The following SLFN14 variants were observed in gnomAD, a reference collection of about 807,000 sequenced individuals.
The protein encoded by SLFN14 is protein SLFN14.
Under a neutral mutation model 58.6 loss-of-function variants are expected in SLFN14, and 47 were observed. The ratio of observed to expected loss-of-function variants is 0.80; its 90% CI spans 0.64 to 1.02. The LOEUF (loss-of-function observed/expected upper bound fraction) is 1.02, where lower values mean the gene tolerates loss of function less well. Among genes scored for constraint, SLFN14 ranks in the 50% least tolerant of loss-of-function variants. The pLI is 0.00. For missense variants in SLFN14, 967 were observed against 1,078.4 expected (o/e 0.90, Z 1.45); for synonymous variants, 390 against 387.3 (o/e 1.01, Z -0.08).
chr17:35,554,551 C>T, intron 4 of SLFN14, 25 bp downstream of exon 4: 5 of 1,515,568 alleles, frequency 3.3e-6, no homozygotes, highest in Non-Finnish European at 4.4e-6. Flanking sequence ...AAATAGTCCC[C>T]TAAGTTGAAA....
chr17:35,546,598 A>G lies in SLFN14; in HGVS notation c.*1641T>C, dbSNP rs545389466. The stretch of plus-strand genomic sequence containing the variant: ...TTAAAAACAGTTTGGAAATATGAAT[A>G]CTTCCAAAGCAATTTAAAAATCCTT... On this transcript the variant is annotated 3_prime_UTR_variant, in exon 6 of 6. Coordinates refer to ENST00000674182, the MANE Select transcript of SLFN14 (RefSeq NM_001129820.2). 3.3e-5 allele frequency among the ~76,000 whole-genome samples: 5 copies of G among 152,370 alleles called. No homozygotes were observed. Among genetic ancestry groups the G allele is most frequent in the African/African-American group, 1.2e-4 (5 of 41,592 alleles).
chr17:35,556,492 G>T (rs1203250010), intron 3 of SLFN14, among the ~76,000 whole-genome samples: 1 of 152,144 alleles, frequency 6.6e-6, no homozygotes, highest in Non-Finnish European at 1.5e-5. Flanking sequence ...TCCTTTAAAA[G>T]TTGCTTAGGC....
chr17:35,558,125 T>A lies in SLFN14; in HGVS notation c.-44-19A>T. ...GGAGTTCCTATAATCAGGACAGAAA[T>A]ATTGTTTCTATATTAATAAGAATTC... On this transcript the variant is annotated intron_variant, in intron 2 of 5. Transcript: ENST00000674182. 1 of 1,318,162 alleles carries A rather than the reference T, an allele frequency of 7.6e-7. No homozygotes were observed. The allele number at this position is 1,318,162 out of a possible 1,614,324, so 81.7% of individuals were successfully genotyped here.
Position 35,553,177 on chromosome 17 carries a change from C to T in SLFN14, c.1457G>A (p.Arg486Gln), listed in dbSNP as rs535173406. Residue 486 changes from arginine to glutamine, a missense_variant, in exon 5 of 6, where the codon CGA becomes CAA. By Grantham distance (43) the Arg-to-Gln change is conservative (BLOSUM62 1). Transcript: ENST00000674182. ...PNWPGGLEYARNTAHQLKQKL... is the reference protein window; with the variant it reads ...PNWPGGLEYAQNTAHQLKQKL... ...CTGCTTTAACTGATGAGCTGTGTTT[C>T]GGGCATATTCAAGTCCTCCAGGCCA... 33 of 1,551,614 alleles carry T rather than the reference C, an allele frequency of 2.1e-5. No individual in the cohort carries two copies. Among genetic ancestry groups the T allele is most frequent in the Admixed American group, 3.9e-5 (2 of 50,996 alleles).
At chr17:35,558,724 G>A (rs891686722) in intron 2 of SLFN14, among the ~76,000 whole-genome samples, 4 of 152,076 alleles carry the variant, frequency 2.6e-5, no homozygotes, top group Non-Finnish European at 4.4e-5. Context: ...ATCAGGAAAC[G>A]CCAACACTGA....
Position 35,554,671 on chromosome 17 carries a change from C to CAAG in SLFN14, c.1091_1093dup (p.Ser364dup). 6.8e-7 allele frequency: 1 copy of CAAG among 1,475,562 alleles called. No homozygotes were observed. Among genetic ancestry groups the CAAG allele is most frequent in the Non-Finnish European group, 9.0e-7 (1 of 1,106,390 alleles). The allele number at this position is 1,475,562 out of a possible 1,614,324, so 91.4% of individuals were successfully genotyped here. ...TGCAGATGAAGCTGATGAAATCAGG[C>CAAG]AAGAGTTGTAGTCTGTGACCAAACT... On this transcript the variant is annotated inframe_insertion, in exon 4 of 6. Coordinates refer to ENST00000674182, the MANE Select transcript of SLFN14 (RefSeq NM_001129820.2).
chr17:35,548,599 T>C lies in SLFN14; in HGVS notation c.2379A>G (p.Gln793=), dbSNP rs758294889. 1.3e-6 allele frequency: 2 copies of C among 1,551,644 alleles called. No individual in the cohort carries two copies. The highest frequency in any genetic ancestry group is 1.7e-6 in the Non-Finnish European group (2 of 1,147,016). ...CETKTNLTTE[Q]IANYVARKCH... is the part of the protein sequence containing the mutation. ...ATTTTCTTGCCACATAGTTAGCTAT[T>C]TGTTCTGTTGTCAGATTAGTCTTTG... Residue 793 remains glutamine (Q), a synonymous_variant, in exon 6 of 6, where the codon CAA becomes CAG. Transcript: ENST00000674182.
In SLFN14 at chr17:35,554,592, T is replaced by C. The variant is rs2072631142; in HGVS notation, c.1173A>G (p.Gln391=). The part of the protein sequence containing the change: ...IKVHKFKEAL[Q]RHLFPVTQEE... ...AGGGAATACCTGGAAACAAATGTCG[T>C]TGCAGAGCCTCCTTAAATTTGTGGA... Residue 391 remains glutamine, a synonymous_variant, in exon 4 of 6, where the codon CAA becomes CAG. Coordinates refer to ENST00000674182, the MANE Select transcript of SLFN14 (RefSeq NM_001129820.2). The C allele has an allele frequency of 1.3e-6, 2 of 1,532,090 alleles. No homozygotes were observed. Among genetic ancestry groups the C allele is most frequent in the South Asian group, 1.2e-5 (1 of 80,532 alleles). 94.9% of individuals were successfully genotyped at this position (1,532,090 alleles called of 1,614,324 possible). A position where few individuals can be genotyped will look rare whatever the true frequency, so the allele number is the denominator to read the frequency against.
Position 35,547,423 on chromosome 17 carries a change from C to G in SLFN14, c.*816G>C, listed in dbSNP as rs2072542658. 6.6e-6 allele frequency among the ~76,000 whole-genome samples: 1 copy of G among 152,102 alleles called. No homozygotes were observed. Among genetic ancestry groups the G allele is most frequent in the Non-Finnish European group, 1.5e-5 (1 of 68,016 alleles). On this transcript the variant is annotated 3_prime_UTR_variant, in exon 6 of 6. Transcript: ENST00000674182. Reference sequence around the variant, plus strand: ...ATCTGAAGATTTTTAAGATTTGAATCAAATTACCAGCTTCCCTTACTGTAA... The same window carrying G: ...ATCTGAAGATTTTTAAGATTTGAATGAAATTACCAGCTTCCCTTACTGTAA...
Position 35,547,722 on chromosome 17 carries a change from GCAGT to G in SLFN14, c.*513_*516del, listed in dbSNP as rs1248489321. On this transcript the variant is annotated 3_prime_UTR_variant, in exon 6 of 6. Transcript: ENST00000674182. ...TCAATTGGCTACTTTTGAGACCTAT[GCAGT>G]CAAAGTAACCAGCCTGGAGGGCACC... is the stretch of plus-strand genomic sequence containing the variant. Among the ~76,000 whole-genome samples, 1 of 152,152 alleles carries G rather than the reference GCAGT, an allele frequency of 6.6e-6. No individual in the cohort carries two copies. The highest frequency in any genetic ancestry group is 2.4e-5 in the African/African-American group (1 of 41,436).
At position 35,557,108 on chromosome 17, in the gene SLFN14, A is replaced by C. The variant is rs1322039001; in HGVS notation, c.955T>G (p.Cys319Gly). The C allele has an allele frequency of 4.5e-6, 7 of 1,551,556 alleles. No homozygotes were observed. Among genetic ancestry groups the C allele is most frequent in the Non-Finnish European group, 6.1e-6 (7 of 1,146,994 alleles). The change falls in exon 3 of 6, where the codon TGC (cysteine) becomes GGC (glycine). Residue 319 changes from cysteine (C) to glycine (G), a missense_variant. Physicochemically the swap from Cys to Gly is radical, Grantham distance 159 (BLOSUM62 -3). Transcript: ENST00000674182. ...VCVIQVEPFC[C>G]VVFAEAPDSW... is the part of the protein sequence containing the mutation. ...TCTGGGGCCTCTGCAAACACCACGCAACAGAAGGGCTCCACTTGAATCACA... is the reference window on the plus strand; with the variant it reads ...TCTGGGGCCTCTGCAAACACCACGCCACAGAAGGGCTCCACTTGAATCACA...
Position 35,554,549 on chromosome 17 carries a change from CCCTAAGTTGAA to C in SLFN14, c.1189+16_1189+26del. On this transcript the variant is annotated intron_variant, in intron 4 of 5. Coordinates refer to ENST00000674182, the MANE Select transcript of SLFN14 (RefSeq NM_001129820.2). ...ACTCAATTTTAGAAAACAAATAGTC[CCCTAAGTTGAA>C]ATCAAGAGGGAATACCTGGAAACAA... 2 of 1,509,646 alleles carry C rather than the reference CCCTAAGTTGAA, an allele frequency of 1.3e-6. No individual in the cohort carries two copies. Among genetic ancestry groups the C allele is most frequent in the Non-Finnish European group, 1.8e-6 (2 of 1,128,544 alleles). 93.5% of individuals were successfully genotyped at this position (1,509,646 alleles called of 1,614,324 possible). A position where few individuals can be genotyped will look rare whatever the true frequency, so the allele number is the denominator to read the frequency against.
chr17:35,556,550 TGGA>T (rs1050457592), intron 3 of SLFN14, among the ~76,000 whole-genome samples: 2 of 151,678 alleles, frequency 1.3e-5, no homozygotes, highest in African/African-American at 4.9e-5. Flanking sequence ...GTTTGGGAGG[TGGA>T]GGTGAGTTGA....
chr17:35,544,694 A>G lies in SLFN14; in HGVS notation c.*3545T>C, dbSNP rs1315289845. Among the ~76,000 whole-genome samples, 1 of 151,906 alleles carries G rather than the reference A, an allele frequency of 6.6e-6. No individual in the cohort carries two copies. ...CAGGCATGCGCCACCATGCCCAGCT[A>G]ATTTTGTATTTTTAGTGGAGACAGG... On this transcript the variant is annotated 3_prime_UTR_variant, in exon 6 of 6. Coordinates refer to ENST00000674182, the MANE Select transcript of SLFN14 (RefSeq NM_001129820.2).
Position 35,557,729 on chromosome 17 carries a change from A to G in SLFN14, c.334T>C (p.Trp112Arg), listed in dbSNP as rs1472444166. The change falls in exon 3 of 6, where the codon TGG (tryptophan) becomes CGG (arginine). Residue 112 changes from tryptophan to arginine, a missense_variant. Coordinates refer to ENST00000674182, the MANE Select transcript of SLFN14 (RefSeq NM_001129820.2). ...GHNLLIFVKS[W>R]SPDVFSLPLR... ...GGAAGGCTGAAAACATCTGGGCTCCATGACTTCACAAAAATCAGGAGATTG... is the reference window on the plus strand; with the variant it reads ...GGAAGGCTGAAAACATCTGGGCTCCGTGACTTCACAAAAATCAGGAGATTG... 19 of 1,551,738 alleles carry G rather than the reference A, an allele frequency of 1.2e-5. No individual in the cohort carries two copies. Among genetic ancestry groups the G allele is most frequent in the Non-Finnish European group, 1.4e-5 (16 of 1,146,984 alleles).
At chr17:35,552,401 G>A (rs971115735) in intron 5 of SLFN14, among the ~76,000 whole-genome samples, 1 of 152,018 alleles carries the variant, frequency 6.6e-6, no homozygotes, top group African/African-American at 2.4e-5. Context: ...AAGAAAGAGA[G>A]CTCACTAAAA....
At chr17:35,555,422 T>TAG (rs2142208512) in intron 3 of SLFN14, among the ~76,000 whole-genome samples, 1 of 148,360 alleles carries the variant, frequency 6.7e-6, no homozygotes, top group African/African-American at 2.5e-5. Context: ...GGCGTGGTGG[T>TAG]GTGCCTGTAA....
In SLFN14 at chr17:35,545,679, T is replaced by G. The variant is rs1759326071; in HGVS notation, c.*2560A>C. Among the ~76,000 whole-genome samples the G allele has an allele frequency of 6.6e-6, 1 of 152,098 alleles. No homozygotes were observed. Among genetic ancestry groups the G allele is most frequent in the Non-Finnish European group, 1.5e-5 (1 of 68,024 alleles). On this transcript the variant is annotated 3_prime_UTR_variant, in exon 6 of 6. Transcript: ENST00000674182. Reference sequence around the variant, plus strand: ...CCAACTAAGTTTTTAAAAAAATTTTTTTTGTAGAGATGGGGTCTTGTTATG... The same window carrying G: ...CCAACTAAGTTTTTAAAAAAATTTTGTTTGTAGAGATGGGGTCTTGTTATG...
chr17:35,554,856 G>T, intron 3 of SLFN14, 152 bp from the exon 4 acceptor site: 2 of 498,120 alleles, frequency 4.0e-6, no homozygotes, highest in South Asian at 6.7e-5. Context: ...GACAGCTCAC[G>T]TATGTCAGGA....
Sources: gnomAD v4.1 joint callset for allele counts (sites outside exome capture counted in the v4.1 genomes callset) on GRCh38, gnomAD v4.1.1 for gene constraint, MANE v1.5 for transcripts, NCBI Gene and HGNC (gene_info 2026-07-23, HGNC 2026-07-21) for gene names.